ACVR1: variants seen among roughly 807,000 people sequenced by gnomAD.
The protein encoded by ACVR1 is activin receptor type-1.
ACVR1 carries 38 observed loss-of-function variants against 57.1 expected under a neutral mutation model. That is an observed-to-expected ratio of 0.67 (90% confidence interval 0.51 to 0.87). The LOEUF is 0.87. ACVR1 is among the 40% of genes least tolerant of loss of function. ACVR1 has a pLI of 0.00. For missense variants in ACVR1, 463 were observed against 638.2 expected (o/e 0.73, Z 2.96); for synonymous variants, 212 against 228.1 (o/e 0.93, Z 0.63).
At chr2:157,813,344 G>T (rs1019428713) in intron 2 of ACVR1, among the ~76,000 whole-genome samples, 1 of 152,206 alleles carries the variant, frequency 6.6e-6, no homozygotes, top group Middle Eastern at 3.2e-3. Context: ...GAAAAGTTGG[G>T]ACTGTTCAGT....
At chr2:157,835,727 T>A (rs866965406) in intron 1 of ACVR1, among the ~76,000 whole-genome samples, 3 of 152,198 alleles carry the variant, frequency 2.0e-5, no homozygotes, top group Non-Finnish European at 4.4e-5. Flanking sequence ...TGCCCCACAG[T>A]AGGGCTGAAA....
intron 1 of ACVR1, among the ~76,000 whole-genome samples, chr2:157,858,982 G>C (rs1689632584): frequency 6.6e-6 from 1 of 152,094 alleles, no homozygotes; most frequent in Non-Finnish European, 1.5e-5. Context: ...CTCAAATACA[G>C]CCTGTCACCT....
intron 1 of ACVR1, among the ~76,000 whole-genome samples, chr2:157,861,165 T>C (rs1689705777): frequency 6.6e-6 from 1 of 152,246 alleles, no homozygotes; most frequent in African/African-American, 2.4e-5. Context: ...ATTTTATGTT[T>C]AGAGCTCTAA....
intron 1 of ACVR1, among the ~76,000 whole-genome samples, chr2:157,839,401 G>A (rs1688901451): frequency 6.6e-6 from 1 of 152,148 alleles, no homozygotes; most frequent in African/African-American, 2.4e-5. Flanking sequence ...ACAGCTTATG[G>A]TGCTGGCTGC....
chr2:157,739,922 C>G (rs554169267), intron 9 of ACVR1, among the ~76,000 whole-genome samples: 1 of 152,068 alleles, frequency 6.6e-6, no homozygotes, highest in Non-Finnish European at 1.5e-5. Flanking sequence ...TGGTCGTTCA[C>G]GCCTGTAATC....
intron 1 of ACVR1, among the ~76,000 whole-genome samples, chr2:157,835,502 ACTTTTT>A (rs929063091): frequency 2.0e-5 from 3 of 152,080 alleles, no homozygotes; most frequent in Non-Finnish European, 2.9e-5. Context: ...TTTCCTTAAC[ACTTTTT>A]CTTTTTCTTA....
chr2:157,766,272 T>C, intron 7 of ACVR1, 76 bp from the exon 8 acceptor site: 1 of 1,456,568 alleles, frequency 6.9e-7, no homozygotes, highest in Non-Finnish European at 9.6e-7. Flanking sequence ...AATAGCGACC[T>C]ACACAGTAAA....
At chr2:157,763,004 CT>C (rs1412827555) in intron 8 of ACVR1, among the ~76,000 whole-genome samples, 1 of 152,140 alleles carries the variant, frequency 6.6e-6, no homozygotes, top group Non-Finnish European at 1.5e-5. Context: ...GATAACAAAT[CT>C]GTGTTGTTTT....
intron 6 of ACVR1, among the ~76,000 whole-genome samples, chr2:157,771,608 T>A (rs1686072468): frequency 6.6e-6 from 1 of 152,186 alleles, no homozygotes; most frequent in South Asian, 2.1e-4. Flanking sequence ...CAGCACCACC[T>A]GCATATACAG....
intron 1 of ACVR1, among the ~76,000 whole-genome samples, chr2:157,863,760 A>G (rs1689818216): frequency 6.6e-6 from 1 of 152,134 alleles, no homozygotes; most frequent in Admixed American, 6.5e-5. Flanking sequence ...ATGAGTAACT[A>G]AGGGCTCAAA....
intron 3 of ACVR1, among the ~76,000 whole-genome samples, chr2:157,781,271 G>C (rs955311283): frequency 2.0e-5 from 3 of 152,188 alleles, no homozygotes; most frequent in African/African-American, 7.2e-5. Context: ...GCTCCAATGA[G>C]CATTTCTATT....
intron 3 of ACVR1, among the ~76,000 whole-genome samples, chr2:157,794,907 T>G (rs972474445): frequency 6.6e-6 from 1 of 151,950 alleles, no homozygotes; most frequent in Non-Finnish European, 1.5e-5. Context: ...AATCACTGTT[T>G]AGAACTAATA....
intron 1 of ACVR1, among the ~76,000 whole-genome samples, chr2:157,839,483 C>T (rs963763401): frequency 1.3e-5 from 2 of 152,202 alleles, no homozygotes; most frequent in African/African-American, 4.8e-5. Context: ...CCCAGGCTGA[C>T]AAGACAGTCA....
At chr2:157,856,863 G>A (rs1382444255) in intron 1 of ACVR1, among the ~76,000 whole-genome samples, 1 of 152,180 alleles carries the variant, frequency 6.6e-6, no homozygotes, top group Non-Finnish European at 1.5e-5. Flanking sequence ...GCAAGTTCAA[G>A]GTTACATGAT....
chr2:157,818,990 A>G (rs950375778), intron 1 of ACVR1, among the ~76,000 whole-genome samples: 4 of 143,146 alleles, frequency 2.8e-5, no homozygotes, highest in African/African-American at 7.7e-5. Context: ...AGGCAGGAGA[A>G]TGGCGTGAAC....
chr2:157,873,774 T>C (rs1275316710), intron 1 of ACVR1, among the ~76,000 whole-genome samples: 1 of 152,168 alleles, frequency 6.6e-6, no homozygotes, highest in Non-Finnish European at 1.5e-5. Context: ...CCTGACTCAA[T>C]CTCTGTTATA....
chr2:157,760,940 C>A lies in ACVR1; in HGVS notation c.1204G>T (p.Val402Phe), dbSNP rs773531681. ...ACAAGTCCAAAGGCCCAAATATCGA[C>A]CCTTTTATAAGAATCGAAACAATCC... The part of the protein sequence containing the change: ...QVDCFDSYKR[V>F]DIWAFGLVLW... The change falls in exon 9 of 11, where the codon GTC becomes TTC. Residue 402 changes from valine (V) to phenylalanine (F), a missense_variant. Around this residue, in one of 3 missense-constraint regions of ACVR1, gnomAD observed 146 missense variants for 186.6 expected, o/e 0.78. Transcript: ENST00000434821. 5.0e-6 allele frequency: 8 copies of A among 1,614,038 alleles called. No individual in the cohort carries two copies. The highest frequency in any genetic ancestry group is 6.8e-6 in the Non-Finnish European group (8 of 1,180,026).
intron 1 of ACVR1, among the ~76,000 whole-genome samples, chr2:157,827,550 T>G (rs1688430541): frequency 6.6e-6 from 1 of 152,148 alleles, no homozygotes. Context: ...AAAAGAAAAA[T>G]AGTCTCTTAC....
chr2:157,844,322 C>T (rs1405277938), intron 1 of ACVR1, among the ~76,000 whole-genome samples: 1 of 152,156 alleles, frequency 6.6e-6, no homozygotes, highest in African/African-American at 2.4e-5. Context: ...GACTTCCAAG[C>T]TGTATCTGGC....
Sources: gnomAD v4.1 joint callset for allele counts (sites outside exome capture counted in the v4.1 genomes callset) on GRCh38, gnomAD v4.1.1 for gene constraint, gnomAD v4.1.1 regional missense constraint, MANE v1.5 for transcripts, NCBI Gene and HGNC (gene_info 2026-07-23, HGNC 2026-07-21) for gene names.